BTK: variants seen among roughly 807,000 people sequenced by gnomAD.
BTK encodes the protein tyrosine-protein kinase BTK.
Under a neutral mutation model 57.4 loss-of-function variants are expected in BTK, and 5 were observed. The ratio of observed to expected loss-of-function variants is 0.09; its 90% CI spans 0.05 to 0.18. The LOEUF (loss-of-function observed/expected upper bound fraction) is 0.18. Ranked by LOEUF, BTK falls within the 10% of genes least tolerant of loss-of-function variation. BTK has a pLI of 1.00. For missense variants in BTK, 194 were observed against 501.2 expected (o/e 0.39, Z 5.85); for synonymous variants, 154 against 174.3 (o/e 0.88, Z 0.92).
Position 101,356,277 on chromosome X carries a change from A to G in BTK, c.1350-9T>C, listed in dbSNP as rs782604457. ...TCTCATGGGAAAGATTCCTACAGGA[A>G]AGGCAAGGAACTAGTCTTCTCCTTT... On this transcript the variant is annotated splice_polypyrimidine_tract_variant and intron_variant, in intron 14 of 18. Coordinates refer to ENST00000308731, the MANE Select transcript of BTK (RefSeq NM_000061.3). 6 of 1,201,193 alleles carry G rather than the reference A, an allele frequency of 5.0e-6. No homozygotes were observed. In the South Asian group the frequency reaches 8.9e-5, roughly 18 times the overall value.
chrX:101,388,617 A>C (rs1927690645), upstream of BTK, among the ~76,000 whole-genome samples: 1 of 112,238 alleles, frequency 8.9e-6, no homozygotes, highest in Non-Finnish European at 1.9e-5. Context: ...GTGAGAAGCC[A>C]AATTCCACAA....
chrX:101,361,723 C>T (rs1298485170), intron 7 of BTK, among the ~76,000 whole-genome samples: 2 of 110,608 alleles, frequency 1.8e-5, no homozygotes, highest in Admixed American at 1.9e-4. Flanking sequence ...GTGACACCCC[C>T]ATCTCTACTA....
chrX:101,378,208 C>T (rs2147451141), intron 1 of BTK, among the ~76,000 whole-genome samples: 1 of 109,881 alleles, frequency 9.1e-6, no homozygotes. Context: ...CTCGGCCTCC[C>T]AAGTAGCCGG....
chrX:101,388,388 CAGAT>C (rs1380903447), upstream of BTK, among the ~76,000 whole-genome samples: 2 of 112,141 alleles, frequency 1.8e-5, no homozygotes, highest in African/African-American at 6.5e-5. Flanking sequence ...AGACTGTACT[CAGAT>C]AGTGCAAATA....
intron 13 of BTK, 34 bp downstream of exon 13, chrX:101,357,475 C>T (rs1555978007): frequency 8.4e-7 from 1 of 1,184,629 alleles, no homozygotes; most frequent in African/African-American, 1.7e-5. Flanking sequence ...TGCAACTGGC[C>T]AGTCCACCCT....
Position 101,362,631 on chromosome X carries a change from C to A in BTK, c.450G>T (p.Gly150=), listed in dbSNP as rs782671924. The change falls in exon 6 of 19, where the codon GGG becomes GGT. Residue 150 remains glycine (G), a synonymous_variant. Coordinates refer to ENST00000308731, the MANE Select transcript of BTK (RefSeq NM_000061.3). ...CTGTCTGAGAGCAGCAGAGATACTG[C>A]CCATCGATCCAGAAGCAAGGGTGAT... ...QKYHPCFWID[G]QYLCCSQTAK... is the part of the protein sequence containing the mutation. 8.3e-7 allele frequency: 1 copy of A among 1,211,869 alleles called. No homozygotes were observed. Among genetic ancestry groups the A allele is most frequent in the Admixed American group, 2.2e-5 (1 of 46,066 alleles).
intron 2 of BTK, 84 bp downstream of exon 2, chrX:101,375,060 C>G (rs1296400691): frequency 8.6e-7 from 1 of 1,157,577 alleles, no homozygotes; most frequent in African/African-American, 1.8e-5. Flanking sequence ...CTCCTACCAA[C>G]GAAAATTTAC....
intron 10 of BTK, 87 bp from the exon 11 acceptor site, chrX:101,358,783 A>G: frequency 1.3e-6 from 1 of 769,354 alleles, no homozygotes; most frequent in Non-Finnish European, 2.0e-6. Flanking sequence ...GAGAAAATAG[A>G]ACAACCCCTG....
intron 4 of BTK, 84 bp from the exon 5 acceptor site, chrX:101,370,163 A>G: frequency 1.3e-6 from 1 of 755,023 alleles, no homozygotes; most frequent in Non-Finnish European, 2.1e-6. Context: ...TTAGGGGACA[A>G]TTTGTATATT....
chrX:101,355,582 G>A, intron 15 of BTK: 1 of 120,838 alleles, frequency 8.3e-6, no homozygotes, highest in Non-Finnish European at 1.7e-5. Flanking sequence ...GGAAATTCCA[G>A]GGTTTTTTTT....
At chrX:101,376,483 C>T (rs1377379464) in intron 1 of BTK, among the ~76,000 whole-genome samples, 1 of 111,099 alleles carries the variant, frequency 9.0e-6, no homozygotes, top group Non-Finnish European at 1.9e-5. Flanking sequence ...CAAAAATAGC[C>T]GGGCGTAGTG....
intron 18 of BTK, among the ~76,000 whole-genome samples, chrX:101,351,869 A>C (rs1218350396): frequency 8.9e-6 from 1 of 112,199 alleles, no homozygotes; most frequent in Non-Finnish European, 1.9e-5. Flanking sequence ...AGGTTTTAAA[A>C]AAAATCTCAT....
At chrX:101,350,936 A>G (rs1356051391) in intron 18 of BTK, among the ~76,000 whole-genome samples, 1 of 112,186 alleles carries the variant, frequency 8.9e-6, no homozygotes, top group Non-Finnish European at 1.9e-5. Context: ...AAGTTTAAAA[A>G]GAGATTTCTG....
In BTK at chrX:101,362,590, C is replaced by T; in HGVS notation, c.491G>A (p.Gly164Asp). ...CCSQTAKNAM[G>D]CQILENRNGS... ...ATTCCTGTTCTCCAAAATTTGGCAG[C>T]CCATAGCATTTTTGGCTGTCTGAGA... Residue 164 changes from glycine (G) to aspartate (D), a missense_variant, in exon 6 of 19, where the codon GGC becomes GAC. By Grantham distance (94) the Gly-to-Asp change is moderately conservative (BLOSUM62 -1). Coordinates refer to ENST00000308731, the MANE Select transcript of BTK (RefSeq NM_000061.3). The T allele has an allele frequency of 8.3e-7, 1 of 1,211,972 alleles. No individual in the cohort carries two copies. Among genetic ancestry groups the T allele is most frequent in the Non-Finnish European group, 1.1e-6 (1 of 895,509 alleles).
At chrX:101,367,481 C>A (rs1484928716) in intron 5 of BTK, among the ~76,000 whole-genome samples, 2 of 106,835 alleles carry the variant, frequency 1.9e-5, no homozygotes, top group Non-Finnish European at 3.8e-5. Flanking sequence ...ACTAAAAATA[C>A]AAAAATTAGC....
chrX:101,374,774 TC>T, intron 2 of BTK, 140 bp from the exon 3 acceptor site: 1 of 544,290 alleles, frequency 1.8e-6, no homozygotes, highest in Non-Finnish European at 3.1e-6. Context: ...AAAAAATCCT[TC>T]CAGATCTATA....
chrX:101,362,026 C>A, intron 7 of BTK, 147 bp downstream of exon 7: 1 of 612,139 alleles, frequency 1.6e-6, no homozygotes, highest in East Asian at 3.5e-5. Flanking sequence ...GGAGGAAATC[C>A]TAATTAGAAG....
chrX:101,370,200 A>C (rs1364596489), intron 4 of BTK, 121 bp from the exon 5 acceptor site: 1 of 598,422 alleles, frequency 1.7e-6, no homozygotes, highest in African/African-American at 2.2e-5. Flanking sequence ...GAAAGGCAGA[A>C]TCTTCAGTCA....
At chrX:101,366,586 A>G (rs1486286540) in intron 5 of BTK, among the ~76,000 whole-genome samples, 1 of 112,113 alleles carries the variant, frequency 8.9e-6, no homozygotes, top group Non-Finnish European at 1.9e-5. Context: ...CTAACTCACT[A>G]TTGACATTGG....
Sources: allele counts gnomAD v4.1 joint callset (sites outside exome capture counted in the v4.1 genomes callset), GRCh38; gene constraint gnomAD v4.1.1; transcripts MANE v1.5; gene names NCBI Gene and HGNC (gene_info 2026-07-23, HGNC 2026-07-21).